JAZF1: variants seen among roughly 807,000 people sequenced by gnomAD.
JAZF1 encodes the protein juxtaposed with another zinc finger protein 1.
Under a neutral mutation model 26.4 loss-of-function variants are expected in JAZF1, and 8 were observed. That is an observed-to-expected ratio of 0.30 (90% CI 0.18 to 0.55). The LOEUF is 0.55. JAZF1 is among the 20% of genes least tolerant of loss of function. The probability of loss-of-function intolerance (pLI) is 0.94; values close to 1 mark genes in which losing one functional copy is unlikely to be tolerated. For synonymous variants in JAZF1, 126 were observed against 122.3 expected, an observed-to-expected ratio of 1.03 and a Z score of -0.20; for missense variants, 199 against 322.0, an observed-to-expected ratio of 0.62 and a Z score of 2.92.
At chr7:27,903,014 T>C (rs1406578774) in intron 2 of JAZF1, among the ~76,000 whole-genome samples, 1 of 50,980 alleles carries the variant, frequency 2.0e-5, no homozygotes. Context: ...AGACTCCGTC[T>C]TAAAAAAAAA....
chr7:27,994,776 G>A (rs755229616), intron 1 of JAZF1, among the ~76,000 whole-genome samples: 4 of 152,158 alleles, frequency 2.6e-5, no homozygotes, highest in Non-Finnish European at 5.9e-5. Flanking sequence ...GCTTCCTGGC[G>A]GGCTGGTGTG....
At chr7:28,098,730 C>T (rs186595759) in intron 1 of JAZF1, among the ~76,000 whole-genome samples, 8 of 152,286 alleles carry the variant, frequency 5.3e-5, no homozygotes, top group Non-Finnish European at 8.8e-5. Context: ...TTAGTAATTA[C>T]GATGGTAATG....
At chr7:27,929,936 TTC>T (rs112011020) in intron 2 of JAZF1, among the ~76,000 whole-genome samples, 412 of 144,580 alleles carry the variant, frequency 2.8e-3, no homozygotes, top group African/African-American at 8.7e-3. Flanking sequence ...ATTTTCTGCA[TTC>T]TCTCTCTCTC....
chr7:27,862,822 C>T (rs1783408026), intron 3 of JAZF1, among the ~76,000 whole-genome samples: 1 of 152,226 alleles, frequency 6.6e-6, no homozygotes, highest in Non-Finnish European at 1.5e-5. Context: ...GTGTTCACAT[C>T]ACCTTTTTAA....
chr7:28,009,550 C>A (rs964374090), intron 1 of JAZF1, among the ~76,000 whole-genome samples: 12 of 151,408 alleles, frequency 7.9e-5, no homozygotes, highest in African/African-American at 2.9e-4. Flanking sequence ...GTGGCACGAT[C>A]TCGGCTCACT....
intron 1 of JAZF1, among the ~76,000 whole-genome samples, chr7:28,047,999 C>T (rs903269127): frequency 6.6e-5 from 10 of 152,084 alleles, no homozygotes; most frequent in African/African-American, 1.9e-4. Flanking sequence ...GTACAAATTA[C>T]CAGTAAAATA....
chr7:28,113,345 C>T, intron 1 of JAZF1, among the ~76,000 whole-genome samples: 1 of 152,188 alleles, frequency 6.6e-6, no homozygotes, highest in East Asian at 1.9e-4. Flanking sequence ...CGTGTCCCGA[C>T]TCCTTTACCC....
chr7:27,904,804 T>C (rs546303621), intron 2 of JAZF1, among the ~76,000 whole-genome samples: 1 of 152,368 alleles, frequency 6.6e-6, no homozygotes, highest in African/African-American at 2.4e-5. Flanking sequence ...GTATTTTTTG[T>C]GATTTTTCAC....
intron 1 of JAZF1, among the ~76,000 whole-genome samples, chr7:28,048,633 T>C (rs906184931): frequency 6.6e-6 from 1 of 152,196 alleles, no homozygotes; most frequent in Non-Finnish European, 1.5e-5. Context: ...TCTAAAGAGT[T>C]TGTCATTTTC....
chr7:28,084,532 G>C (rs1161101424), intron 1 of JAZF1, among the ~76,000 whole-genome samples: 1 of 152,182 alleles, frequency 6.6e-6, no homozygotes, highest in African/African-American at 2.4e-5. Context: ...CAGGAAGTTT[G>C]CTCTCACAAA....
intron 1 of JAZF1, among the ~76,000 whole-genome samples, chr7:28,037,678 T>C (rs1358434728): frequency 6.6e-6 from 1 of 152,198 alleles, no homozygotes; most frequent in Non-Finnish European, 1.5e-5. Flanking sequence ...TGGGCTCAGG[T>C]TGAACACACT....
intron 2 of JAZF1, among the ~76,000 whole-genome samples, chr7:27,932,975 G>A (rs1247111121): frequency 6.6e-6 from 1 of 152,150 alleles, no homozygotes; most frequent in South Asian, 2.1e-4. Context: ...ATCTGGTAAC[G>A]ATGGCTGTCA....
intron 1 of JAZF1, among the ~76,000 whole-genome samples, chr7:28,004,203 G>C (rs141605169): frequency 5.9e-5 from 9 of 152,218 alleles, no homozygotes; most frequent in Non-Finnish European, 1.2e-4. Context: ...AACCAGAAAG[G>C]GGGGGTACCT....
Position 27,860,027 on chromosome 7 carries a change from T to C in JAZF1, c.386-19160A>G, listed in dbSNP as rs559329603. Among the ~76,000 whole-genome samples, 4 of 152,298 alleles carry C rather than the reference T, an allele frequency of 2.6e-5. No homozygotes were observed. The South Asian group carries it at 8.3e-4, about 32-fold the overall frequency. On this transcript the variant is annotated intron_variant, in intron 3 of 4. Coordinates refer to ENST00000283928, the MANE Select transcript of JAZF1 (RefSeq NM_175061.4). Reference sequence around the variant, plus strand: ...AACTGTGGTGGGAGGAGGTGCTCCTTACAATAGTCACACATTTATTTCTTA... The same window carrying C: ...AACTGTGGTGGGAGGAGGTGCTCCTCACAATAGTCACACATTTATTTCTTA...
chr7:27,974,618 C>T (rs1176804384), intron 2 of JAZF1, among the ~76,000 whole-genome samples: 3 of 152,090 alleles, frequency 2.0e-5, no homozygotes, highest in South Asian at 2.1e-4. Context: ...GAATTCTCCA[C>T]GTCCACTAAG....
intron 1 of JAZF1, among the ~76,000 whole-genome samples, chr7:28,003,238 C>T (rs866601078): frequency 6.7e-6 from 1 of 150,110 alleles, no homozygotes; most frequent in Admixed American, 6.6e-5. Flanking sequence ...AAAAAAAAAA[C>T]CTCTTTAAAA....
chr7:28,140,695 C>A (rs1199162559), intron 1 of JAZF1, among the ~76,000 whole-genome samples: 1 of 152,178 alleles, frequency 6.6e-6, no homozygotes, highest in East Asian at 1.9e-4. Context: ...AATATGTGTA[C>A]AACACATTGA....
chr7:27,845,275 A>G (rs12112769), intron 3 of JAZF1, among the ~76,000 whole-genome samples: 56,813 of 152,082 alleles, frequency 0.37, 10,958 homozygotes, highest in East Asian at 0.64. Flanking sequence ...ACACTGGCAG[A>G]TGTCCTCAAC....
At chr7:27,987,340 G>A (rs868341684) in intron 2 of JAZF1, among the ~76,000 whole-genome samples, 7 of 150,822 alleles carry the variant, frequency 4.6e-5, no homozygotes, top group Non-Finnish European at 4.4e-5. Context: ...GTCTCTGCCC[G>A]ACCGCCACCC....
Sources: allele counts gnomAD v4.1 joint callset (sites outside exome capture counted in the v4.1 genomes callset), GRCh38; gene constraint gnomAD v4.1.1; transcripts MANE v1.5; gene names NCBI Gene and HGNC (gene_info 2026-07-23, HGNC 2026-07-21).